Variants in MME observed in about 807,000 individuals in gnomAD.
The protein encoded by MME is neprilysin.
MME carries 98 observed loss-of-function variants against 113.2 expected under a neutral mutation model. That is an observed-to-expected ratio of 0.87 (90% CI 0.74 to 1.02). The LOEUF is 1.02. MME is among the 50% of genes least tolerant of loss of function. The pLI is 0.00. For missense variants in MME, 836 were observed against 896.0 expected, an observed-to-expected ratio of 0.93 and a Z score of 0.86; for synonymous variants, 292 against 300.6, an observed-to-expected ratio of 0.97 and a Z score of 0.30.
chr3:155,132,046 T>C (rs749106622), intron 8 of MME, among the ~76,000 whole-genome samples: 10 of 152,160 alleles, frequency 6.6e-5, no homozygotes, highest in Non-Finnish European at 1.2e-4. Flanking sequence ...AGTTTCTTCC[T>C]AGAATGGGGA....
rs59175839 is a variant in MME at position 155,063,668 on chromosome 3, A to ATATATTATATTATATTATAT, written c.-10-20459_-10-20440dup. ...ATTATATTTGATTATATAACATATT[A>ATATATTATATTATATTATAT]TATATTATATTATATTATATTATAT... On this transcript the variant is annotated intron_variant, in intron 1 of 22. Coordinates refer to the MME transcript ENST00000492661. Among the ~76,000 whole-genome samples, 119 of 111,374 alleles carry ATATATTATATTATATTATAT rather than the reference A, an allele frequency of 1.1e-3. 1 individual carries two copies. The highest frequency in any genetic ancestry group is 2.2e-3 in the South Asian group (8 of 3,638). The allele number at this position is 111,374 out of a possible 152,430, so 73.1% of individuals were successfully genotyped here.
intron 3 of MME, among the ~76,000 whole-genome samples, chr3:155,104,158 AT>A (rs1206516344): frequency 1.3e-5 from 2 of 152,204 alleles, no homozygotes; most frequent in African/African-American, 4.8e-5. Flanking sequence ...ATGTCTGTTT[AT>A]CACACCATGG....
chr3:155,168,453 G>GC, intron 18 of MME, 39 bp from the exon 19 acceptor site: 12 of 1,548,264 alleles, frequency 7.8e-6, no homozygotes, highest in Non-Finnish European at 1.1e-5. Context: ...AATTCTTGTT[G>GC]CAATGAGTTC....
At chr3:155,078,801 CT>C, upstream of MME, among the ~76,000 whole-genome samples, 1 of 151,820 alleles carries the variant, frequency 6.6e-6, no homozygotes, top group East Asian at 1.9e-4. Flanking sequence ...GCAATTATAG[CT>C]GCTAAAGGTA....
intron 12 of MME, among the ~76,000 whole-genome samples, chr3:155,143,037 A>G (rs1721236254): frequency 6.6e-6 from 1 of 152,184 alleles, no homozygotes. Flanking sequence ...ATACACATAC[A>G]GGTTCTGTAA....
intron 1 of MME, among the ~76,000 whole-genome samples, chr3:155,037,039 G>T (rs904688733): frequency 6.6e-6 from 1 of 152,136 alleles, no homozygotes. Context: ...GACCATAGAT[G>T]TCAAGGTGTA....
intron 18 of MME, 99 bp from the exon 19 acceptor site, chr3:155,168,393 G>C (rs61760400): frequency 6.6e-6 from 7 of 1,056,598 alleles, no homozygotes; most frequent in Non-Finnish European, 1.0e-5. Context: ...TTAATGTTCT[G>C]TCACACAGCA....
At chr3:155,044,310 AT>A (rs1246902953) in intron 1 of MME, among the ~76,000 whole-genome samples, 1 of 150,320 alleles carries the variant, frequency 6.7e-6, no homozygotes, top group African/African-American at 2.4e-5. Flanking sequence ...TTTTTGTATT[AT>A]TAGTACAGAT....
intron 18 of MME, 85 bp downstream of exon 18, chr3:155,167,106 C>T (rs936401708): frequency 6.8e-7 from 1 of 1,480,836 alleles, no homozygotes; most frequent in African/African-American, 1.4e-5. Flanking sequence ...TACTACAAAG[C>T]TACATTTATT....
chr3:155,085,099 G>T lies in MME; in HGVS notation c.196+5G>T. Reference sequence around the variant, plus strand: ...CATCAGACTGCATAAAATCAGGTAAGAAATGGTTTTTACGTGTAATAGTTA... The same window carrying T: ...CATCAGACTGCATAAAATCAGGTAATAAATGGTTTTTACGTGTAATAGTTA... On this transcript the variant is annotated splice_donor_5th_base_variant and intron_variant, in intron 3 of 22. Coordinates refer to ENST00000360490, the MANE Select transcript of MME (RefSeq NM_007289.4). The T allele has an allele frequency of 1.3e-6, 2 of 1,570,312 alleles. No homozygotes were observed. Among genetic ancestry groups the T allele is most frequent in the Non-Finnish European group, 1.7e-6 (2 of 1,144,766 alleles).
intron 8 of MME, among the ~76,000 whole-genome samples, chr3:155,131,453 A>C (rs940400179): frequency 6.6e-6 from 1 of 152,188 alleles, no homozygotes; most frequent in African/African-American, 2.4e-5. Context: ...AATAGTCAGA[A>C]GGTTTCACTC....
chr3:155,163,372 C>G (rs1300224396), intron 17 of MME, among the ~76,000 whole-genome samples: 2 of 152,162 alleles, frequency 1.3e-5, no homozygotes, highest in African/African-American at 4.8e-5. Flanking sequence ...CACATGTAGG[C>G]TACATTCCAA....
At chr3:155,074,965 C>T (rs1714698201), upstream of MME, among the ~76,000 whole-genome samples, 1 of 151,698 alleles carries the variant, frequency 6.6e-6, no homozygotes, top group Admixed American at 6.6e-5. Flanking sequence ...CTATATATTT[C>T]TATTGGATTA....
intron 3 of MME, among the ~76,000 whole-genome samples, chr3:155,100,584 A>C (rs1414485382): frequency 6.6e-6 from 1 of 152,358 alleles, no homozygotes; most frequent in African/African-American, 2.4e-5. Flanking sequence ...TCATTAACTC[A>C]ACTATGAATT....
chr3:155,078,154 G>T (rs1221637777), upstream of MME, among the ~76,000 whole-genome samples: 1 of 151,678 alleles, frequency 6.6e-6, no homozygotes, highest in African/African-American at 2.4e-5. Context: ...CAGGAGAATC[G>T]CTTGAACCCA....
intron 16 of MME, among the ~76,000 whole-genome samples, chr3:155,151,258 C>G (rs1323603235): frequency 6.6e-6 from 1 of 152,154 alleles, no homozygotes; most frequent in African/African-American, 2.4e-5. Context: ...CTCCCAAAGT[C>G]TTGAAAGAGA....
upstream of MME, among the ~76,000 whole-genome samples, chr3:155,078,651 GTGTGTGTA>G (rs1391380506): frequency 1.2e-4 from 16 of 137,006 alleles, no homozygotes; most frequent in African/African-American, 4.2e-4. Flanking sequence ...GTGTGAATAT[GTGTGTGTA>G]TGTGTGTGTG....
intron 3 of MME, among the ~76,000 whole-genome samples, chr3:155,103,026 G>A (rs1244340816): frequency 1.3e-5 from 2 of 152,116 alleles, no homozygotes; most frequent in African/African-American, 2.4e-5. Context: ...AATGGCCAAC[G>A]GAATGAATGA....
At chr3:155,075,960 C>T (rs184717188), upstream of MME, among the ~76,000 whole-genome samples, 121 of 152,260 alleles carry the variant, frequency 7.9e-4, no homozygotes, top group Admixed American at 3.7e-3. Context: ...TATGTTGTTA[C>T]TATATTCTTT....
Sources: allele counts gnomAD v4.1 joint callset (sites outside exome capture counted in the v4.1 genomes callset), GRCh38; gene constraint gnomAD v4.1.1; transcripts MANE v1.5; gene names NCBI Gene and HGNC (gene_info 2026-07-23, HGNC 2026-07-21).